The following PDE1C variants were observed in gnomAD, a reference collection of about 807,000 sequenced individuals.
PDE1C encodes the protein dual specificity calcium/calmodulin-dependent 3',5'-cyclic nucleotide phosphodiesterase 1C.
In PDE1C, 62 loss-of-function variants were observed where a neutral mutation model predicts 93.1. The observed-to-expected ratio is 0.67, with a 90% CI of 0.54 to 0.82. The LOEUF (loss-of-function observed/expected upper bound fraction) is 0.82, where lower values mean the gene tolerates loss of function less well. PDE1C is among the 40% of genes least tolerant of loss of function. The pLI is 0.00. For synonymous variants in PDE1C, 325 were observed against 310.1 expected (o/e 1.05, Z -0.50); for missense variants, 742 against 884.6 (o/e 0.84, Z 2.04).
chr7:32,141,428 T>C (rs1249829697), intron 3 of PDE1C, among the ~76,000 whole-genome samples: 1 of 152,222 alleles, frequency 6.6e-6, no homozygotes, highest in Non-Finnish European at 1.5e-5. Context: ...AATTAAGTGA[T>C]CAAGTCTAGC....
the PDE1C span, among the ~76,000 whole-genome samples, chr7:31,663,395 T>C: frequency 2.0e-5 from 3 of 152,208 alleles, no homozygotes; most frequent in South Asian, 4.1e-4. Context: ...AGATTTCTGC[T>C]TTCCAGGGGC....
At chr7:31,793,993 TAGATAGATAGATAG>T (rs1784889761) in intron 16 of PDE1C, among the ~76,000 whole-genome samples, 2 of 32,152 alleles carry the variant, frequency 6.2e-5, no homozygotes, top group Non-Finnish European at 1.4e-4. Context: ...ATAAACCAGA[TAGATAGATAGATAG>T]ATAGATAGAT....
At chr7:31,720,513 CTCTG>C in the PDE1C span, among the ~76,000 whole-genome samples, 1 of 152,192 alleles carries the variant, frequency 6.6e-6, no homozygotes, top group Non-Finnish European at 1.5e-5. Context: ...AGTTTGCAGT[CTCTG>C]TCTTTGATAT....
Position 31,865,097 on chromosome 7 carries a change from T to G in PDE1C, c.610-15A>C, listed in dbSNP as rs776268777. On this transcript the variant is annotated splice_polypyrimidine_tract_variant and intron_variant, in intron 6 of 17. Coordinates refer to ENST00000396191, the MANE Select transcript of PDE1C (RefSeq NM_001191057.4). ...GAAATGGGGATCTGAAAGAGAGCAG[T>G]AAGGTTAATTAACTAGTGACTTCAC... The G allele has an allele frequency of 8.7e-6, 14 of 1,613,702 alleles. No individual in the cohort carries two copies. In the South Asian group the frequency reaches 1.4e-4, roughly 16 times the overall value.
chr7:32,310,971 T>C (rs1227950763), intron 1 of PDE1C, among the ~76,000 whole-genome samples: 61 of 152,294 alleles, frequency 4.0e-4, no homozygotes, highest in Non-Finnish European at 2.9e-5. Context: ...GGAGCTGCTT[T>C]TTTGAAAAGA....
rs371570161 is a variant in PDE1C at position 32,420,092 on chromosome 7, CATATATAT to C, written c.310+7722_310+7729del. ...ATACAAAAATAGCCAGGTGTGGTGG[CATATATAT>C]ATATATATATATATATATATATATA... On this transcript the variant is annotated intron_variant, in intron 1 of 1. Transcript: ENST00000672256. Among the ~76,000 whole-genome samples the C allele has an allele frequency of 8.6e-4, 14 of 16,348 alleles. 1 individual carries two copies. Among genetic ancestry groups the C allele is most frequent in the African/African-American group, 3.3e-3 (14 of 4,252 alleles). The allele number at this position is 16,348 out of a possible 152,430, so 10.7% of individuals were successfully genotyped here.
intron 3 of PDE1C, among the ~76,000 whole-genome samples, chr7:32,087,946 A>C (rs577410488): frequency 1.7e-3 from 255 of 152,144 alleles, no homozygotes; most frequent in African/African-American, 6.1e-3. Context: ...GCACATGTAT[A>C]CATATGTAAC....
chr7:31,837,897 A>C lies in PDE1C; in HGVS notation c.1055T>G (p.Met352Arg). 1.2e-6 allele frequency: 2 copies of C among 1,613,694 alleles called. No homozygotes were observed. Among genetic ancestry groups the C allele is most frequent in the Non-Finnish European group, 1.7e-6 (2 of 1,179,620 alleles). Residue 352 changes from methionine (M) to arginine (R), a missense_variant, in exon 10 of 18, where the codon ATG becomes AGG. Coordinates refer to ENST00000396191, the MANE Select transcript of PDE1C (RefSeq NM_001191057.4). Reference protein sequence around the residue: ...MSCHFQQIKAMKTALQQPEAI... With the variant: ...MSCHFQQIKARKTALQQPEAI... Reference sequence around the variant, plus strand: ...TTCTGGCTGCTGCAGAGCAGTCTTCATTGCTTTGATTTGTTGGAAGTGACA... The same window carrying C: ...TTCTGGCTGCTGCAGAGCAGTCTTCCTTGCTTTGATTTGTTGGAAGTGACA...
intron 1 of PDE1C, among the ~76,000 whole-genome samples, chr7:32,305,632 A>G (rs954398680): frequency 9.9e-5 from 15 of 152,228 alleles, no homozygotes; most frequent in Admixed American, 9.2e-4. Context: ...ACACTTGTCA[A>G]GCCAGGCTAG....
chr7:32,135,697 G>C (rs547569517), intron 3 of PDE1C, among the ~76,000 whole-genome samples: 1 of 152,168 alleles, frequency 6.6e-6, no homozygotes, highest in Non-Finnish European at 1.5e-5. Context: ...ATGAAAAACA[G>C]TATAGAGGTT....
chr7:31,848,396 A>T (rs922709085), intron 8 of PDE1C, among the ~76,000 whole-genome samples: 2 of 152,120 alleles, frequency 1.3e-5, no homozygotes, highest in African/African-American at 4.8e-5. Flanking sequence ...GTGTTTTTTT[A>T]AAAATATGGG....
At chr7:32,303,094 A>G (rs371255062), upstream of PDE1C, among the ~76,000 whole-genome samples, 5 of 152,356 alleles carry the variant, frequency 3.3e-5, no homozygotes, top group East Asian at 7.7e-4. Flanking sequence ...GGGAATAGGA[A>G]TTGTGAGAGG....
chr7:32,419,277 G>C (rs1299012545), intron 1 of PDE1C, among the ~76,000 whole-genome samples: 5 of 152,154 alleles, frequency 3.3e-5, no homozygotes, highest in Non-Finnish European at 7.4e-5. Context: ...TATTGTTCAA[G>C]TTAACAATTT....
intron 1 of PDE1C, among the ~76,000 whole-genome samples, chr7:32,251,697 T>A (rs1002394849): frequency 6.6e-6 from 1 of 152,334 alleles, no homozygotes; most frequent in Non-Finnish European, 1.5e-5. Context: ...ATATCATCCA[T>A]GAATAATAAA....
chr7:32,262,323 A>C (rs1312210113), intron 1 of PDE1C, among the ~76,000 whole-genome samples: 1 of 152,102 alleles, frequency 6.6e-6, no homozygotes, highest in African/African-American at 2.4e-5. Context: ...TCAATGAAAA[A>C]ATTATGCTGG....
intron 1 of PDE1C, among the ~76,000 whole-genome samples, chr7:32,262,466 C>A (rs1431488650): frequency 6.6e-6 from 1 of 152,186 alleles, no homozygotes; most frequent in East Asian, 1.9e-4. Flanking sequence ...TGCCGTGCAG[C>A]CTGCCGTGTA....
At chr7:31,939,401 G>A (rs1004775404) in intron 2 of PDE1C, among the ~76,000 whole-genome samples, 1 of 152,164 alleles carries the variant, frequency 6.6e-6, no homozygotes, top group Non-Finnish European at 1.5e-5. Flanking sequence ...GAACACACGA[G>A]TTTAAGATAA....
At chr7:32,250,275 C>T (rs1809267517) in intron 1 of PDE1C, among the ~76,000 whole-genome samples, 1 of 152,142 alleles carries the variant, frequency 6.6e-6, no homozygotes, top group South Asian at 2.1e-4. Context: ...ATAAGAATGA[C>T]AGGAAAAGGA....
At chr7:32,076,213 C>T (rs1171763155), upstream of PDE1C, among the ~76,000 whole-genome samples, 1 of 152,150 alleles carries the variant, frequency 6.6e-6, no homozygotes, top group Non-Finnish European at 1.5e-5. Context: ...AGATCTGGTC[C>T]TTATGGGAGA....
Sources: gnomAD v4.1 joint callset for allele counts (sites outside exome capture counted in the v4.1 genomes callset) on GRCh38, gnomAD v4.1.1 for gene constraint, MANE v1.5 for transcripts, NCBI Gene and HGNC (gene_info 2026-07-23, HGNC 2026-07-21) for gene names.